MARCHF1: variants seen among roughly 807,000 people sequenced by gnomAD.
The protein encoded by MARCHF1 is membrane associated ring-CH-type finger 1, also known as E3 ubiquitin-protein ligase MARCHF1.
Under a neutral mutation model 54.2 loss-of-function variants are expected in MARCHF1, and 40 were observed. The observed-to-expected ratio is 0.74, with a 90% confidence interval of 0.57 to 0.96. The LOEUF is 0.96. MARCHF1 is among the 40% of genes least tolerant of loss of function. MARCHF1 has a pLI of 0.00. For missense variants in MARCHF1, 586 were observed against 656.5 expected (o/e 0.89, Z 1.17); for synonymous variants, 236 against 236.3 (o/e 1.00, Z 0.01).
At chr4:164,029,237 G>A (rs1327218395) in intron 2 of MARCHF1, among the ~76,000 whole-genome samples, 2 of 152,128 alleles carry the variant, frequency 1.3e-5, no homozygotes, top group Non-Finnish European at 2.9e-5. Context: ...GCACATAATG[G>A]CATCAGCTTC....
intron 1 of MARCHF1, among the ~76,000 whole-genome samples, chr4:164,259,297 C>T (rs1236340697): frequency 1.3e-5 from 2 of 151,936 alleles, no homozygotes; most frequent in African/African-American, 4.8e-5. Context: ...AATCCCAATA[C>T]TTTAGGAGGC....
intron 5 of MARCHF1, among the ~76,000 whole-genome samples, chr4:163,642,850 C>T (rs1354285243): frequency 6.6e-6 from 1 of 151,802 alleles, no homozygotes; most frequent in Non-Finnish European, 1.5e-5. Flanking sequence ...AATTATTAGG[C>T]AATAGACTGA....
intron 5 of MARCHF1, among the ~76,000 whole-genome samples, chr4:163,689,220 A>G (rs926818840): frequency 3.3e-5 from 5 of 152,342 alleles, no homozygotes; most frequent in Admixed American, 6.5e-5. Flanking sequence ...TTTCTTGTTA[A>G]GAAAAATATT....
intron 2 of MARCHF1, among the ~76,000 whole-genome samples, chr4:164,100,299 C>G (rs1392307331): frequency 6.6e-6 from 1 of 152,224 alleles, no homozygotes; most frequent in Non-Finnish European, 1.5e-5. Context: ...AATCTAAACT[C>G]ATTAAGAGAG....
At chr4:163,841,414 A>G (rs1324188825) in intron 4 of MARCHF1, among the ~76,000 whole-genome samples, 1 of 151,046 alleles carries the variant, frequency 6.6e-6, no homozygotes, top group African/African-American at 2.4e-5. Flanking sequence ...CAGTATTGCT[A>G]AGAACATAAA....
chr4:164,304,709 C>T (rs577042063), intron 1 of MARCHF1, among the ~76,000 whole-genome samples: 3 of 152,248 alleles, frequency 2.0e-5, no homozygotes, highest in African/African-American at 7.2e-5. Context: ...CCTCTCAATG[C>T]TTTCTGGTAA....
intron 4 of MARCHF1, among the ~76,000 whole-genome samples, chr4:163,797,011 G>C (rs1309518565): frequency 1.3e-5 from 2 of 151,856 alleles, no homozygotes; most frequent in Non-Finnish European, 2.9e-5. Flanking sequence ...CTTCTACTTA[G>C]AATTAATTTT....
chr4:163,582,657 T>C (rs1370173476), intron 8 of MARCHF1, among the ~76,000 whole-genome samples: 1 of 152,198 alleles, frequency 6.6e-6, no homozygotes, highest in East Asian at 1.9e-4. Context: ...TTCTTTAGAA[T>C]GTTATAAACT....
At chr4:163,534,477 C>A (rs1050369923) in intron 9 of MARCHF1, among the ~76,000 whole-genome samples, 9 of 151,992 alleles carry the variant, frequency 5.9e-5, no homozygotes, top group African/African-American at 1.4e-4. Context: ...AGGAGAAAGA[C>A]TGACGGTTTC....
chr4:164,213,875 T>C (rs1175978793), intron 1 of MARCHF1, among the ~76,000 whole-genome samples: 5 of 151,990 alleles, frequency 3.3e-5, no homozygotes, highest in African/African-American at 1.2e-4. Flanking sequence ...GTAAATAATC[T>C]TCATCTTAAT....
chr4:163,746,472 T>G (rs541423048), intron 4 of MARCHF1, among the ~76,000 whole-genome samples: 1 of 152,316 alleles, frequency 6.6e-6, no homozygotes, highest in South Asian at 2.1e-4. Context: ...CAAACATTTA[T>G]GTGCAGGGTT....
At chr4:164,171,849 A>C (rs1730533556) in intron 1 of MARCHF1, among the ~76,000 whole-genome samples, 2 of 152,240 alleles carry the variant, frequency 1.3e-5, no homozygotes, top group African/African-American at 2.4e-5. Flanking sequence ...TTAAGGAAAC[A>C]ATAGTAATAC....
intron 2 of MARCHF1, among the ~76,000 whole-genome samples, chr4:164,071,219 C>G (rs1313844727): frequency 1.3e-5 from 2 of 152,088 alleles, no homozygotes; most frequent in Non-Finnish European, 2.9e-5. Context: ...CAAAGTAAAA[C>G]ATGTTTGTTC....
chr4:164,276,949 G>T (rs202042239), intron 1 of MARCHF1, among the ~76,000 whole-genome samples: 105,738 of 122,932 alleles, frequency 0.86, 44,785 homozygotes, highest in African/African-American at 0.89. Context: ...TATATATATA[G>T]AGAGAGAGAG....
intron 4 of MARCHF1, among the ~76,000 whole-genome samples, chr4:163,726,156 T>C (rs551494033): frequency 7.9e-5 from 12 of 152,290 alleles, no homozygotes; most frequent in Admixed American, 1.3e-4. Context: ...CTGGAGTTCA[T>C]TTGTGGTGTT....
intron 4 of MARCHF1, among the ~76,000 whole-genome samples, chr4:163,772,024 T>C (rs1025385078): frequency 6.7e-6 from 1 of 150,210 alleles, no homozygotes; most frequent in Non-Finnish European, 1.5e-5. Context: ...AATGTGGCTT[T>C]AGATCAGGAG....
chr4:163,889,853 T>TAAA (rs138555166), intron 3 of MARCHF1, among the ~76,000 whole-genome samples: 2 of 139,890 alleles, frequency 1.4e-5, no homozygotes, highest in African/African-American at 2.6e-5. Context: ...TACCTGCAGA[T>TAAA]TAAAAAAAAA....
chr4:163,661,414 G>A (rs1446679173), intron 5 of MARCHF1, among the ~76,000 whole-genome samples: 1 of 151,894 alleles, frequency 6.6e-6, no homozygotes, highest in Non-Finnish European at 1.5e-5. Context: ...ATGATTTCAA[G>A]CTGTTGCTTT....
intron 7 of MARCHF1, among the ~76,000 whole-genome samples, chr4:163,589,941 A>G (rs1740532500): frequency 6.6e-6 from 1 of 152,056 alleles, no homozygotes; most frequent in South Asian, 2.1e-4. Flanking sequence ...TCCAGTCAGC[A>G]TATGTTGAGA....
Sources: allele counts gnomAD v4.1 joint callset (sites outside exome capture counted in the v4.1 genomes callset), GRCh38; gene constraint gnomAD v4.1.1; transcripts MANE v1.5; gene names NCBI Gene and HGNC (gene_info 2026-07-23, HGNC 2026-07-21).